RNF8: variants seen among roughly 807,000 people sequenced by gnomAD.
RNF8 encodes E3 ubiquitin-protein ligase RNF8.
Under a neutral mutation model 59.3 loss-of-function variants are expected in RNF8, and 8 were observed. That is an observed-to-expected ratio of 0.13 (90% confidence interval 0.08 to 0.24). The LOEUF (loss-of-function observed/expected upper bound fraction) is 0.24, where lower values mean the gene tolerates loss of function less well. Among genes scored for constraint, RNF8 ranks in the 10% least tolerant of loss-of-function variants. RNF8 has a pLI of 1.00. For missense variants in RNF8, 406 were observed against 572.6 expected (o/e 0.71, Z 2.97); for synonymous variants, 162 against 200.0 (o/e 0.81, Z 1.60).
At position 37,354,129 on chromosome 6, in the gene RNF8, C is replaced by T. The variant is rs182359035; in HGVS notation, c.-36C>T. On this transcript the variant is annotated 5_prime_UTR_variant, in exon 1 of 8. Transcript: ENST00000373479. ...GCAGCCAGAACCTAGGTCAGGGTCT[C>T]GCTCGGTGCTGACCGCCCCCGGGGT... 5,593 of 1,535,264 alleles carry T rather than the reference C, an allele frequency of 3.6e-3. 29 individuals are homozygous for T. Among genetic ancestry groups the T allele is most frequent in the Non-Finnish European group, 3.4e-3 (3,866 of 1,131,542 alleles).
chr6:37,384,520 C>T (rs1250329637), intron 7 of RNF8, among the ~76,000 whole-genome samples: 3 of 152,156 alleles, frequency 2.0e-5, no homozygotes, highest in East Asian at 3.9e-4. Context: ...TGGGGAGAGG[C>T]ATTTGTGAAC....
chr6:37,374,860 A>C, intron 5 of RNF8, 151 bp downstream of exon 5: 3 of 615,486 alleles, frequency 4.9e-6, no homozygotes, highest in Non-Finnish European at 8.6e-6. Context: ...AGAGGCCTAT[A>C]GCAGGTTCTG....
chr6:37,357,910 C>T (rs1340860065), intron 1 of RNF8, among the ~76,000 whole-genome samples: 1 of 152,186 alleles, frequency 6.6e-6, no homozygotes, highest in Non-Finnish European at 1.5e-5. Flanking sequence ...GATAAAGTCC[C>T]TGCTTATCTA....
At position 37,359,825 on chromosome 6, in the gene RNF8, T is replaced by C. The variant is rs377057218; in HGVS notation, c.112-621T>C. Among the ~76,000 whole-genome samples, 7 of 152,368 alleles carry C rather than the reference T, an allele frequency of 4.6e-5. 1 individual carries two copies. Among genetic ancestry groups the C allele is most frequent in the African/African-American group, 1.7e-4 (7 of 41,586 alleles). On this transcript the variant is annotated intron_variant, in intron 1 of 7. Transcript: ENST00000373479. ...GTAATAGAAATTAAGTTTATTTTTCTTAATATGCCATCCAGGAATAAAGAT... is the reference window on the plus strand; with the variant it reads ...GTAATAGAAATTAAGTTTATTTTTCCTAATATGCCATCCAGGAATAAAGAT...
intron 7 of RNF8, among the ~76,000 whole-genome samples, chr6:37,382,667 A>C (rs1770322141): frequency 2.6e-5 from 4 of 152,130 alleles, no homozygotes; most frequent in Admixed American, 2.6e-4. Context: ...AAGCATGGCA[A>C]ATGGCTTCAC....
intron 2 of RNF8, among the ~76,000 whole-genome samples, chr6:37,364,178 C>CA (rs35915593): frequency 0.55 from 45,372 of 82,014 alleles, 11,747 homozygotes; most frequent in East Asian, 0.68. Flanking sequence ...GACTCTGTCT[C>CA]AAAAAAAAAA....
intron 7 of RNF8, among the ~76,000 whole-genome samples, chr6:37,384,042 T>C (rs1014506200): frequency 6.6e-5 from 10 of 152,174 alleles, no homozygotes; most frequent in African/African-American, 2.2e-4. Context: ...AAACAAGCAA[T>C]GTAGAAATAA....
intron 7 of RNF8, among the ~76,000 whole-genome samples, chr6:37,385,404 G>A (rs1171635661): frequency 1.3e-5 from 2 of 151,314 alleles, no homozygotes; most frequent in African/African-American, 2.4e-5. Context: ...GAGGGGGCGT[G>A]GATCATGAGG....
chr6:37,362,308 A>G (rs1254766160), intron 2 of RNF8, among the ~76,000 whole-genome samples: 3 of 152,158 alleles, frequency 2.0e-5, no homozygotes, highest in African/African-American at 7.2e-5. Context: ...TTGAATTTCA[A>G]CCACAGGGAT....
intron 1 of RNF8, 125 bp downstream of exon 1, chr6:37,354,400 A>T (rs1157680782): frequency 1.5e-5 from 11 of 719,692 alleles, no homozygotes; most frequent in Middle Eastern, 4.1e-4. Flanking sequence ...CAGGAAGAGG[A>T]GCGAAGTGTC....
chr6:37,354,045 G>A lies in RNF8; in HGVS notation c.-120G>A. 1 of 849,244 alleles carries A rather than the reference G, an allele frequency of 1.2e-6. No homozygotes were observed. 52.6% of individuals were successfully genotyped at this position (849,244 alleles called of 1,614,324 possible). Reference sequence around the variant, plus strand: ...GAGCCTGCTTTCGCAGCGATCGCGAGCGTGTGGCGATTGCTTCTGTCTGTT... The same window carrying A: ...GAGCCTGCTTTCGCAGCGATCGCGAACGTGTGGCGATTGCTTCTGTCTGTT... On this transcript the variant is annotated 5_prime_UTR_variant, in exon 1 of 8. Coordinates refer to ENST00000373479, the MANE Select transcript of RNF8 (RefSeq NM_003958.4).
rs1288312822 is a variant in RNF8, at chr6:37,394,073, T to G, written c.*3315T>G. Reference sequence around the variant, plus strand: ...CTAGGCTTCTGATGAATCCAGTGATTAGCTAAATTTGACATAGAAAGTAAG... The same window carrying G: ...CTAGGCTTCTGATGAATCCAGTGATGAGCTAAATTTGACATAGAAAGTAAG... On this transcript the variant is annotated 3_prime_UTR_variant, in exon 8 of 8. Coordinates refer to ENST00000373479, the MANE Select transcript of RNF8 (RefSeq NM_003958.4). 1 of 152,236 alleles carries G rather than the reference T, an allele frequency of 6.6e-6. No homozygotes were observed. The highest frequency in any genetic ancestry group is 2.4e-5 in the African/African-American group (1 of 41,454). The allele number at this position is 152,236 out of a possible 1,614,324, so 9.4% of individuals were successfully genotyped here.
intron 5 of RNF8, among the ~76,000 whole-genome samples, chr6:37,375,374 C>T (rs1769971787): frequency 1.3e-5 from 2 of 152,138 alleles, no homozygotes; most frequent in South Asian, 4.2e-4. Flanking sequence ...TGAAATATCC[C>T]AAATTTTAAA....
intron 7 of RNF8, among the ~76,000 whole-genome samples, chr6:37,382,768 A>G (rs1770327804): frequency 6.6e-6 from 1 of 152,184 alleles, no homozygotes; most frequent in African/African-American, 2.4e-5. Flanking sequence ...TCACGAAGTC[A>G]GGAGTTCGAG....
chr6:37,374,228 T>G (rs531300811), intron 4 of RNF8, among the ~76,000 whole-genome samples: 6 of 152,216 alleles, frequency 3.9e-5, no homozygotes, highest in Admixed American at 1.3e-4. Flanking sequence ...TACTTACTAG[T>G]TCTTAAATAC....
At chr6:37,354,412 GT>G in intron 1 of RNF8, 137 bp downstream of exon 1, 1 of 697,462 alleles carries the variant, frequency 1.4e-6, no homozygotes, top group African/African-American at 1.8e-5. Context: ...CGAAGTGTCT[GT>G]GGGGGGGGTG....
chr6:37,369,602 C>A (rs1401959105), intron 3 of RNF8, among the ~76,000 whole-genome samples: 1 of 152,234 alleles, frequency 6.6e-6, no homozygotes, highest in Non-Finnish European at 1.5e-5. Flanking sequence ...TAGTTGTCTT[C>A]AAGACTTGTG....
intron 3 of RNF8, among the ~76,000 whole-genome samples, chr6:37,371,060 T>C (rs1769780083): frequency 6.6e-6 from 1 of 151,960 alleles, no homozygotes; most frequent in Non-Finnish European, 1.5e-5. Context: ...AGAGGAGCAG[T>C]GTATAAACTG....
intron 6 of RNF8, among the ~76,000 whole-genome samples, chr6:37,379,078 G>C (rs529236197): frequency 1.3e-5 from 2 of 152,084 alleles, no homozygotes; most frequent in East Asian, 3.9e-4. Context: ...GTGCAGTGGC[G>C]CAATCTCGGC....
Sources: allele counts gnomAD v4.1 joint callset (sites outside exome capture counted in the v4.1 genomes callset), GRCh38; gene constraint gnomAD v4.1.1; transcripts MANE v1.5; gene names NCBI Gene and HGNC (gene_info 2026-07-23, HGNC 2026-07-21).